DOCK8: variants seen among roughly 807,000 people sequenced by gnomAD.
DOCK8 encodes dedicator of cytokinesis 8.
A neutral mutation model predicts 245.6 loss-of-function variants in DOCK8; 141 were observed. The observed-to-expected ratio is 0.57, with a 90% CI of 0.50 to 0.66. DOCK8 has a LOEUF of 0.66. DOCK8 is among the 30% of genes least tolerant of loss of function. DOCK8 has a pLI of 0.00. For missense variants in DOCK8, 2,965 were observed against 2,603.4 expected, an observed-to-expected ratio of 1.14 and a Z score of -3.02; for synonymous variants, 1,168 against 970.2, an observed-to-expected ratio of 1.20 and a Z score of -3.79.
At chr9:255,174 A>T (rs191471221) in intron 1 of DOCK8, among the ~76,000 whole-genome samples, 1 of 152,210 alleles carries the variant, frequency 6.6e-6, no homozygotes, top group African/African-American at 2.4e-5. Flanking sequence ...AGGTTTTCAT[A>T]TATGTGCCCA....
chr9:215,043 C>G lies in DOCK8; in HGVS notation c.53+14C>G, dbSNP rs756810591. On this transcript the variant is annotated intron_variant, in intron 1 of 47. Coordinates refer to ENST00000432829, the MANE Select transcript of DOCK8 (RefSeq NM_203447.4). ...CAAGATCAACAGGTAAGACGCCCCC[C>G]GCGGCGCGCAGGTTGCGGCCGGACA... is the stretch of plus-strand genomic sequence containing the variant. 2.0e-4 allele frequency: 310 copies of G among 1,570,674 alleles called. 1 individual carries two copies. The highest frequency in any genetic ancestry group is 1.7e-4 in the Middle Eastern group (1 of 5,832).
At chr9:398,100 A>G (rs928539327) in intron 25 of DOCK8, among the ~76,000 whole-genome samples, 8 of 152,190 alleles carry the variant, frequency 5.3e-5, no homozygotes, top group African/African-American at 1.9e-4. Flanking sequence ...CTCATGGCAA[A>G]CTTTGTTGGA....
chr9:420,262 T>A, intron 30 of DOCK8, 139 bp from the exon 31 acceptor site: 1 of 953,054 alleles, frequency 1.0e-6, no homozygotes, highest in Non-Finnish European at 1.6e-6. Context: ...GCAATAGATC[T>A]CCAGCCTAGC....
Position 433,865 on chromosome 9 carries a change from C to T in DOCK8, c.4786-10C>T. On this transcript the variant is annotated splice_polypyrimidine_tract_variant and intron_variant, in intron 37 of 47. Transcript: ENST00000432829. The stretch of plus-strand genomic sequence containing the variant: ...AGCTAAGATTATTTTGAGGCTTACA[C>T]TTTTTGCAGGTGGAGGAACTTCTCT... 2 of 1,608,364 alleles carry T rather than the reference C, an allele frequency of 1.2e-6. No individual in the cohort carries two copies. The highest frequency in any genetic ancestry group is 1.7e-6 in the Non-Finnish European group (2 of 1,174,758).
At chr9:237,019 C>A (rs1045838092) in intron 1 of DOCK8, among the ~76,000 whole-genome samples, 5 of 152,310 alleles carry the variant, frequency 3.3e-5, no homozygotes, top group African/African-American at 1.2e-4. Flanking sequence ...TCTTGCCTGG[C>A]GGCACTTCCA....
chr9:237,203 A>C (rs1329254121), intron 1 of DOCK8, among the ~76,000 whole-genome samples: 1 of 152,252 alleles, frequency 6.6e-6, no homozygotes, highest in Non-Finnish European at 1.5e-5. Context: ...TGTTTTAGTC[A>C]CAAGGATTTG....
chr9:432,801 G>A (rs1231092762), intron 37 of DOCK8, among the ~76,000 whole-genome samples: 1 of 152,132 alleles, frequency 6.6e-6, no homozygotes, highest in African/African-American at 2.4e-5. Flanking sequence ...GATGGTAAAG[G>A]GACCAGCTTG....
chr9:461,988 A>G (rs1052243028), intron 46 of DOCK8, among the ~76,000 whole-genome samples: 10 of 147,380 alleles, frequency 6.8e-5, no homozygotes, highest in Non-Finnish European at 1.2e-4. Flanking sequence ...TTCTAGTTAC[A>G]TGATTACTTA....
rs1218308416 is a variant in DOCK8, at chr9:286,442, C to T, written c.157-19C>T. The T allele has an allele frequency of 1.2e-6, 2 of 1,612,882 alleles. No individual in the cohort carries two copies. Among genetic ancestry groups the T allele is most frequent in the East Asian group, 2.2e-5 (1 of 44,862 alleles). ...AAAACTGGGTGAGAACCTCCTTTTC[C>T]TTTTCCCTGCCCCTCCAGCCTCAGT... On this transcript the variant is annotated intron_variant, in intron 2 of 47. Transcript: ENST00000432829.
chr9:274,168 TA>T (rs2048251038), intron 2 of DOCK8, among the ~76,000 whole-genome samples: 1 of 152,248 alleles, frequency 6.6e-6, no homozygotes. Flanking sequence ...GATGAATTAC[TA>T]CCTTAGCCGG....
chr9:212,275 TAAG>T (rs533840665), upstream of DOCK8, among the ~76,000 whole-genome samples: 11 of 152,010 alleles, frequency 7.2e-5, no homozygotes, highest in Non-Finnish European at 1.3e-4. Flanking sequence ...TCTGGGGAGG[TAAG>T]AAGAAGATGT....
chr9:265,686 A>T (rs1240589794), intron 1 of DOCK8, among the ~76,000 whole-genome samples: 2 of 152,190 alleles, frequency 1.3e-5, no homozygotes, highest in Non-Finnish European at 2.9e-5. Context: ...CAGATAATGA[A>T]AGAATTTTCC....
intron 24 of DOCK8, among the ~76,000 whole-genome samples, chr9:395,780 C>A (rs2054424264): frequency 6.6e-6 from 1 of 152,108 alleles, no homozygotes; most frequent in Admixed American, 6.5e-5. Flanking sequence ...TAAGCATGAT[C>A]TTGATTTAAA....
intron 46 of DOCK8, among the ~76,000 whole-genome samples, chr9:462,639 G>A (rs1323979284): frequency 3.3e-5 from 5 of 152,204 alleles, no homozygotes; most frequent in Non-Finnish European, 7.3e-5. Context: ...ACTGACAGCT[G>A]CCTTGTCACC....
intron 14 of DOCK8, among the ~76,000 whole-genome samples, chr9:360,030 A>G (rs1173665538): frequency 6.6e-6 from 1 of 152,146 alleles, no homozygotes; most frequent in Non-Finnish European, 1.5e-5. Context: ...AAATGAATAA[A>G]ATAGGCCAAG....
At chr9:448,035 CTTCCT>C (rs1166962882) in intron 44 of DOCK8, among the ~76,000 whole-genome samples, 1 of 152,062 alleles carries the variant, frequency 6.6e-6, no homozygotes, top group East Asian at 1.9e-4. Flanking sequence ...TCATTCCTGC[CTTCCT>C]TTCCTTTCCT....
chr9:244,488 T>C (rs1030421251), intron 1 of DOCK8, among the ~76,000 whole-genome samples: 3 of 152,132 alleles, frequency 2.0e-5, no homozygotes, highest in African/African-American at 7.2e-5. Context: ...TTCTTCCTAG[T>C]ACTTGTCACA....
chr9:284,891 T>C (rs530495611), intron 2 of DOCK8, among the ~76,000 whole-genome samples: 1 of 152,252 alleles, frequency 6.6e-6, no homozygotes, highest in South Asian at 2.1e-4. Flanking sequence ...AGCTAAATGA[T>C]GAGAACTTAC....
At chr9:272,081 C>G (rs901868903) in intron 2 of DOCK8, among the ~76,000 whole-genome samples, 5 of 152,046 alleles carry the variant, frequency 3.3e-5, no homozygotes. Context: ...AAAGCATATT[C>G]CAAAATCTGA....
Sources: allele counts gnomAD v4.1 joint callset (sites outside exome capture counted in the v4.1 genomes callset), GRCh38; gene constraint gnomAD v4.1.1; transcripts MANE v1.5; gene names NCBI Gene and HGNC (gene_info 2026-07-23, HGNC 2026-07-21).